Variants in TMCO5A observed in about 807,000 individuals in gnomAD.
The protein encoded by TMCO5A is transmembrane and coiled-coil domain-containing protein 5A.
In TMCO5A, 34 loss-of-function variants were observed where a neutral mutation model predicts 42.3. The ratio of observed to expected loss-of-function variants is 0.80; its 90% CI spans 0.61 to 1.07. The LOEUF (loss-of-function observed/expected upper bound fraction) is 1.07, where lower values mean the gene tolerates loss of function less well. Among genes scored for constraint, TMCO5A ranks in the 50% least tolerant of loss-of-function variants. TMCO5A has a pLI of 0.00. For missense variants in TMCO5A, 357 were observed against 327.9 expected, an observed-to-expected ratio of 1.09 and a Z score of -0.69; for synonymous variants, 131 against 115.6, an observed-to-expected ratio of 1.13 and a Z score of -0.86.
downstream of TMCO5A, among the ~76,000 whole-genome samples, chr15:37,972,195 C>A (rs913731871): frequency 1.3e-5 from 2 of 152,148 alleles, no homozygotes; most frequent in Non-Finnish European, 2.9e-5. Context: ...CATCTCGCAT[C>A]GCAGCAGACA....
intron 11 of TMCO5A, among the ~76,000 whole-genome samples, chr15:37,959,890 G>T (rs1448449116): frequency 2.6e-5 from 4 of 151,928 alleles, no homozygotes; most frequent in African/African-American, 9.7e-5. Context: ...GTCAAATTCT[G>T]CTTGTTTTCA....
chr15:37,983,441 C>T, the TMCO5A span, among the ~76,000 whole-genome samples: 1 of 152,152 alleles, frequency 6.6e-6, no homozygotes, highest in Middle Eastern at 3.2e-3. Flanking sequence ...CTTCTGACAA[C>T]AGGCATTGAG....
the TMCO5A span, among the ~76,000 whole-genome samples, chr15:38,036,837 G>T: frequency 6.6e-6 from 1 of 152,016 alleles, no homozygotes; most frequent in Non-Finnish European, 1.5e-5. Context: ...CCAGGTCAGG[G>T]ACTAGTGTTT....
chr15:37,944,821 C>A (rs114592735), intron 10 of TMCO5A, among the ~76,000 whole-genome samples: 2,496 of 152,100 alleles, frequency 0.016, 78 homozygotes, highest in African/African-American at 0.057. Context: ...ATTTTGAAAC[C>A]AGAATGCCAC....
the TMCO5A span, among the ~76,000 whole-genome samples, chr15:38,021,291 A>G: frequency 1.3e-5 from 2 of 152,232 alleles, no homozygotes; most frequent in Admixed American, 1.3e-4. Flanking sequence ...AACCACTATA[A>G]CAAATGAGCA....
downstream of TMCO5A, among the ~76,000 whole-genome samples, chr15:37,953,117 A>G (rs1449019273): frequency 6.6e-6 from 1 of 152,174 alleles, no homozygotes; most frequent in Non-Finnish European, 1.5e-5. Flanking sequence ...ACCTCTGGAC[A>G]TGCACAGGGC....
At chr15:37,989,561 GTTGT>G in the TMCO5A span, among the ~76,000 whole-genome samples, 2 of 151,940 alleles carry the variant, frequency 1.3e-5, no homozygotes, top group African/African-American at 2.4e-5. Context: ...GGATACATTG[GTTGT>G]TTAAGTGTGT....
chr15:37,952,966 G>T (rs1015889808), downstream of TMCO5A, among the ~76,000 whole-genome samples: 1 of 152,304 alleles, frequency 6.6e-6, no homozygotes, highest in Non-Finnish European at 1.5e-5. Flanking sequence ...GCCATGGTGG[G>T]AGGCATCTCT....
downstream of TMCO5A, among the ~76,000 whole-genome samples, chr15:37,951,767 T>A (rs1020980953): frequency 6.6e-6 from 1 of 152,064 alleles, no homozygotes; most frequent in Admixed American, 6.6e-5. Flanking sequence ...AACAACTATC[T>A]AAACAAAGAA....
chr15:37,959,471 C>G (rs911008607), intron 11 of TMCO5A, among the ~76,000 whole-genome samples: 1 of 151,750 alleles, frequency 6.6e-6, no homozygotes, highest in African/African-American at 2.4e-5. Flanking sequence ...ACTAGCAAAC[C>G]AAATTCAACA....
chr15:38,026,836 C>A, the TMCO5A span, among the ~76,000 whole-genome samples: 1 of 152,210 alleles, frequency 6.6e-6, no homozygotes, highest in Non-Finnish European at 1.5e-5. Flanking sequence ...ACATAGAGCT[C>A]GGACTGTGGC....
chr15:37,940,495 AACCACCT>A (rs1889693697), intron 6 of TMCO5A, among the ~76,000 whole-genome samples: 1 of 152,114 alleles, frequency 6.6e-6, no homozygotes, highest in Non-Finnish European at 1.5e-5. Flanking sequence ...GGCCTTTGCC[AACCACCT>A]ACCACCTCCT....
At chr15:38,005,543 C>A in the TMCO5A span, among the ~76,000 whole-genome samples, 3 of 151,696 alleles carry the variant, frequency 2.0e-5, no homozygotes, top group Non-Finnish European at 2.9e-5. Context: ...CACCATTGTA[C>A]TCTAGCCTAC....
downstream of TMCO5A, among the ~76,000 whole-genome samples, chr15:37,951,971 T>C (rs1005195412): frequency 6.6e-6 from 1 of 152,040 alleles, no homozygotes; most frequent in Non-Finnish European, 1.5e-5. Flanking sequence ...GCAGCATTTG[T>C]GAGACATTGA....
downstream of TMCO5A, among the ~76,000 whole-genome samples, chr15:37,956,401 A>G (rs1890292750): frequency 6.6e-6 from 1 of 152,170 alleles, no homozygotes; most frequent in Non-Finnish European, 1.5e-5. Context: ...TAAAAATCAT[A>G]AAGGGGATAT....
chr15:37,951,870 G>C (rs943966921), downstream of TMCO5A, among the ~76,000 whole-genome samples: 1 of 152,108 alleles, frequency 6.6e-6, no homozygotes. Flanking sequence ...AGGAAAAACA[G>C]TCTGGAATCA....
At chr15:38,032,466 A>G in the TMCO5A span, among the ~76,000 whole-genome samples, 1 of 152,246 alleles carries the variant, frequency 6.6e-6, no homozygotes, top group Non-Finnish European at 1.5e-5. Flanking sequence ...CAAAACAGGC[A>G]TTATTCTGCC....
the TMCO5A span, chr15:38,024,615 G>T: frequency 2.0e-5 from 3 of 152,360 alleles, 1 homozygote; most frequent in Admixed American, 2.0e-4. Context: ...GCTAAGGGAA[G>T]AGTACTAGTT....
the TMCO5A span, among the ~76,000 whole-genome samples, chr15:38,038,446 C>T: frequency 4.6e-3 from 701 of 151,520 alleles, 14 homozygotes; most frequent in East Asian, 0.031. Context: ...GCTTTGTCGC[C>T]CAGGCTGGAG....
Sources: allele counts gnomAD v4.1 joint callset (sites outside exome capture counted in the v4.1 genomes callset), GRCh38; gene constraint gnomAD v4.1.1; transcripts MANE v1.5; gene names NCBI Gene and HGNC (gene_info 2026-07-23, HGNC 2026-07-21).